The following PLA2G15 variants were observed in gnomAD, a reference collection of about 807,000 sequenced individuals.
PLA2G15 encodes the protein phospholipase A2 group XV.
A neutral mutation model predicts 40.9 loss-of-function variants in PLA2G15; 20 were observed. The ratio of observed to expected loss-of-function variants is 0.49; its 90% confidence interval spans 0.34 to 0.71. The LOEUF (loss-of-function observed/expected upper bound fraction) is 0.71, where lower values mean the gene tolerates loss of function less well. PLA2G15 is among the 30% of genes least tolerant of loss of function. PLA2G15 has a pLI of 0.01. For missense variants in PLA2G15, 471 were observed against 541.9 expected, an observed-to-expected ratio of 0.87 and a Z score of 1.30; for synonymous variants, 223 against 228.2, an observed-to-expected ratio of 0.98 and a Z score of 0.21.
At chr16:68,247,708 A>G (rs776731874) in intron 1 of PLA2G15, among the ~76,000 whole-genome samples, 1 of 152,210 alleles carries the variant, frequency 6.6e-6, no homozygotes, top group Admixed American at 6.5e-5. Context: ...CCTGCCTCTC[A>G]TGGCACCCTG....
rs2042422422 is a variant in PLA2G15 at position 68,259,026 on chromosome 16, A to G, written c.728-120A>G. ...GTGATTACAATGATGATAACCGGGT[A>G]GAGATGCGGGACTGTGGACTGGGCC... On this transcript the variant is annotated intron_variant, in intron 5 of 5. Coordinates refer to ENST00000219345, the MANE Select transcript of PLA2G15 (RefSeq NM_012320.4). This position sits in a 1 kb window ranked among gnomAD's most constrained non-coding sequence, Gnocchi z 6.5. The G allele has an allele frequency of 2.7e-6, 2 of 733,200 alleles. No homozygotes were observed. The highest frequency in any genetic ancestry group is 4.6e-6 in the Non-Finnish European group (2 of 433,738). The allele number at this position is 733,200 out of a possible 1,614,324, so 45.4% of individuals were successfully genotyped here. A position where few individuals can be genotyped will look rare whatever the true frequency, so the allele number is the denominator to read the frequency against.
At position 68,260,789 on chromosome 16, in the gene PLA2G15, G is replaced by A. The variant is rs1333559944; in HGVS notation, c.*1132G>A. The A allele has an allele frequency of 2.0e-5, 3 of 152,264 alleles. No homozygotes were observed. The highest frequency in any genetic ancestry group is 2.9e-5 in the Non-Finnish European group (2 of 68,066). The allele number at this position is 152,264 out of a possible 1,614,324, so 9.4% of individuals were successfully genotyped here. A position where few individuals can be genotyped will look rare whatever the true frequency, so the allele number is the denominator to read the frequency against. ...TCCATGGATCTCCCTGTGGCAGCAG[G>A]CATGGAGAGTCAGGGCTGCCTTCAT... On this transcript the variant is annotated 3_prime_UTR_variant, in exon 6 of 6. Transcript: ENST00000219345.
Position 68,257,531 on chromosome 16 carries a change from C to T in PLA2G15, c.727+1541C>T, listed in dbSNP as rs192082424. Among the ~76,000 whole-genome samples, 19 of 152,308 alleles carry T rather than the reference C, an allele frequency of 1.2e-4. No homozygotes were observed. In the East Asian group the frequency reaches 3.7e-3, roughly 29 times the overall value. ...CTGCAGCTGTAGAGTAGAGCTTCTT[C>T]CTCTAGAAGGGAGCTTTCCTCCCTC... is the stretch of plus-strand genomic sequence containing the variant. On this transcript the variant is annotated intron_variant, in intron 5 of 5. Coordinates refer to ENST00000219345, the MANE Select transcript of PLA2G15 (RefSeq NM_012320.4).
Position 68,255,951 on chromosome 16 carries a change from T to TG in PLA2G15, c.695dup (p.Val233ArgfsTer47), listed in dbSNP as rs763871300. 3.1e-5 allele frequency: 50 copies of TG among 1,611,440 alleles called. 1 individual carries two copies. Among genetic ancestry groups the TG allele is most frequent in the South Asian group, 7.7e-5 (7 of 90,948 alleles). On this transcript the variant is annotated frameshift_variant, in exon 5 of 6. Transcript: ENST00000219345. LOFTEE classifies it high-confidence loss of function. The surrounding 1 kb of genome is among the most constrained non-coding windows in gnomAD (Gnocchi z 5.9). ...GGCCTTCGTGTCACTGGGTGCGCCC[T>TG]GGGGGGGCGTGGCCAAGACCCTGCG... is the stretch of plus-strand genomic sequence containing the variant.
At position 68,245,405 on chromosome 16, in the gene PLA2G15, C is replaced by T. The variant is rs769617421; in HGVS notation, c.-22C>T. The T allele has an allele frequency of 1.9e-6, 3 of 1,600,812 alleles. No individual in the cohort carries two copies. The highest frequency in any genetic ancestry group is 1.7e-6 in the Non-Finnish European group (2 of 1,179,052). On this transcript the variant is annotated 5_prime_UTR_variant, in exon 1 of 6. Transcript: ENST00000219345. ...CAGAGAGCTGAACCTGCATCCCGGACCTGCGGCGACCGTCGTACACCATGG... is the reference window on the plus strand; with the variant it reads ...CAGAGAGCTGAACCTGCATCCCGGATCTGCGGCGACCGTCGTACACCATGG...
chr16:68,255,629 G>A lies in PLA2G15; in HGVS notation c.503-137G>A, dbSNP rs1328390219. 4.2e-6 allele frequency: 3 copies of A among 715,790 alleles called. No homozygotes were observed. The highest frequency in any genetic ancestry group is 3.6e-5 in the South Asian group (2 of 56,088). 44.3% of individuals were successfully genotyped at this position (715,790 alleles called of 1,614,324 possible). Reference sequence around the variant, plus strand: ...AAGGCTTCCTCCCTTCATGGAAGGCGGGGGGACCCAGACCGCTCTGTTTGA... The same window carrying A: ...AAGGCTTCCTCCCTTCATGGAAGGCAGGGGGACCCAGACCGCTCTGTTTGA... On this transcript the variant is annotated intron_variant, in intron 4 of 5. Coordinates refer to ENST00000219345, the MANE Select transcript of PLA2G15 (RefSeq NM_012320.4). This position sits in a 1 kb window ranked among gnomAD's most constrained non-coding sequence, Gnocchi z 5.9.
In PLA2G15 at chr16:68,254,912, A is replaced by AC. The variant is rs1252073483; in HGVS notation, c.285-6dup. ...CGGGTCACTGGCTCAATATCCTCTC[A>AC]CAACAGGCTGGTTTACAACAAAACA... On this transcript the variant is annotated splice_polypyrimidine_tract_variant and splice_region_variant and intron_variant, in intron 2 of 5. Transcript: ENST00000219345. 3 of 1,584,548 alleles carry AC rather than the reference A, an allele frequency of 1.9e-6. No homozygotes were observed. The highest frequency in any genetic ancestry group is 2.6e-6 in the Non-Finnish European group (3 of 1,153,530).
rs374826163 is a variant in PLA2G15, at chr16:68,254,985, C to A, written c.351C>A (p.Gly117=). ...FPDGVDVRVP[G]FGKTFSLEFL... The stretch of plus-strand genomic sequence containing the variant: ...ATGGTGTGGATGTACGTGTCCCTGG[C>A]TTTGGGAAGACCTTCTCACTGGAGT... The change falls in exon 3 of 6, where the codon GGC becomes GGA. Residue 117 remains glycine, a synonymous_variant. Transcript: ENST00000219345. 1.1e-5 allele frequency: 18 copies of A among 1,614,052 alleles called. No homozygotes were observed. The highest frequency in any genetic ancestry group is 1.4e-5 in the Non-Finnish European group (17 of 1,179,946).
chr16:68,249,757 C>T (rs1382704887), intron 2 of PLA2G15, among the ~76,000 whole-genome samples: 2 of 152,192 alleles, frequency 1.3e-5, no homozygotes, highest in African/African-American at 4.8e-5. Context: ...CAGCTCACTG[C>T]AACCTCCGTC....
chr16:68,255,774 G>C lies in PLA2G15; in HGVS notation c.511G>C (p.Gly171Arg). 1.9e-6 allele frequency: 3 copies of C among 1,613,972 alleles called. No individual in the cohort carries two copies. Among genetic ancestry groups the C allele is most frequent in the Non-Finnish European group, 2.5e-6 (3 of 1,179,872 alleles). The stretch of plus-strand genomic sequence containing the variant: ...CTGGCTCTGGCCTGCAGATGAAAAC[G>C]GGCCCTACTTCCTGGCCCTCCGCGA... The part of the protein sequence containing the change: ...YDWRRAPNEN[G>R]PYFLALREMI... Residue 171 changes from glycine (G) to arginine (R), a missense_variant, in exon 5 of 6, where the codon GGG (glycine) becomes CGG (arginine). Physicochemically the swap from Gly to Arg is moderately radical, Grantham distance 125. Coordinates refer to ENST00000219345, the MANE Select transcript of PLA2G15 (RefSeq NM_012320.4). This position sits in a 1 kb window ranked among gnomAD's most constrained non-coding sequence, Gnocchi z 5.9.
intron 1 of PLA2G15, 89 bp from the exon 2 acceptor site, chr16:68,249,201 C>A: frequency 9.5e-7 from 1 of 1,054,420 alleles, no homozygotes; most frequent in South Asian, 1.4e-5. Context: ...ATCTGTGGCT[C>A]TTCAGGGGGT....
intron 5 of PLA2G15, among the ~76,000 whole-genome samples, chr16:68,257,739 CATT>C (rs1157873611): frequency 2.0e-5 from 3 of 152,190 alleles, no homozygotes; most frequent in African/African-American, 7.2e-5. Context: ...AGTGAGGACT[CATT>C]ATAGCCACCA....
At chr16:68,247,010 A>G (rs1447575039) in intron 1 of PLA2G15, among the ~76,000 whole-genome samples, 2 of 152,060 alleles carry the variant, frequency 1.3e-5, no homozygotes, top group African/African-American at 4.8e-5. Context: ...GCCTGGATTG[A>G]TGCTAACCGC....
At chr16:68,245,622 G>C in intron 1 of PLA2G15, 69 bp downstream of exon 1, 1 of 1,501,704 alleles carries the variant, frequency 6.7e-7, no homozygotes, top group Non-Finnish European at 9.0e-7. Context: ...CTGCCTTCCC[G>C]GTCTGCTTCT....
chr16:68,256,282 C>T (rs1160728384), intron 5 of PLA2G15: 1 of 335,866 alleles, frequency 3.0e-6, no homozygotes, highest in Non-Finnish European at 5.5e-6. Flanking sequence ...AGCTTATATT[C>T]TGTAGGGAAA....
At chr16:68,253,302 G>T (rs990475160) in intron 2 of PLA2G15, 2 of 343,726 alleles carry the variant, frequency 5.8e-6, no homozygotes, top group African/African-American at 4.4e-5. Flanking sequence ...TCTGGGCCTT[G>T]CTCCTTCTCC....
rs1275878310 is a variant in PLA2G15 at position 68,259,215 on chromosome 16, C to G, written c.797C>G (p.Thr266Ser). 6.2e-7 allele frequency: 1 copy of G among 1,613,308 alleles called. No individual in the cohort carries two copies. The change falls in exon 6 of 6, where the codon ACC becomes AGC. Residue 266 changes from threonine (T) to serine (S), a missense_variant. By Grantham distance (58) the Thr-to-Ser change is moderately conservative. Coordinates refer to ENST00000219345, the MANE Select transcript of PLA2G15 (RefSeq NM_012320.4). This position sits in a 1 kb window ranked among gnomAD's most constrained non-coding sequence, Gnocchi z 6.5. The stretch of plus-strand genomic sequence containing the variant: ...GAGCAGCAGCGGTCAGCTGTCTCCA[C>G]CAGCTGGCTGCTGCCCTACAACTAC... ...IREQQRSAVS[T>S]SWLLPYNYTW...
In PLA2G15 at chr16:68,259,140, C is replaced by CT. The variant is rs2042423213; in HGVS notation, c.728-5dup. 3 of 1,607,068 alleles carry CT rather than the reference C, an allele frequency of 1.9e-6. No individual in the cohort carries two copies. The East Asian group carries it at 6.7e-5, about 36-fold the overall frequency. The stretch of plus-strand genomic sequence containing the variant: ...GCACAGACTGACCAGAGCCTTCTCC[C>CT]TGCAGGAGACAACAACCGGATCCCA... On this transcript the variant is annotated splice_polypyrimidine_tract_variant and splice_region_variant and intron_variant, in intron 5 of 5. Coordinates refer to ENST00000219345, the MANE Select transcript of PLA2G15 (RefSeq NM_012320.4). This position sits in a 1 kb window ranked among gnomAD's most constrained non-coding sequence, Gnocchi z 6.5.
Position 68,245,496 on chromosome 16 carries a change from C to T in PLA2G15, c.70C>T (p.Leu24=), listed in dbSNP as rs139036864. The change falls in exon 1 of 6, where the codon CTA becomes TTA. Residue 24 remains leucine, a synonymous_variant. Transcript: ENST00000219345. ...TGGCCTCCTGTTCCTCTTGCTGCTGCTAATGCTGCTCGCGGACCCAGCGCT... is the reference window on the plus strand; with the variant it reads ...TGGCCTCCTGTTCCTCTTGCTGCTGTTAATGCTGCTCGCGGACCCAGCGCT... The part of the protein sequence containing the change: ...PDGLLFLLLL[L]MLLADPALPA... 4.4e-4 allele frequency: 706 copies of T among 1,605,436 alleles called. 1 individual carries two copies. Among genetic ancestry groups the T allele is most frequent in the Non-Finnish European group, 5.6e-4 (662 of 1,179,190 alleles).
Sources: allele counts gnomAD v4.1 joint callset (sites outside exome capture counted in the v4.1 genomes callset), GRCh38; gene constraint gnomAD v4.1.1; non-coding constraint Gnocchi (gnomAD v3.1); transcripts MANE v1.5; gene names NCBI Gene and HGNC (gene_info 2026-07-23, HGNC 2026-07-21).